The following SLC10A7 variants were observed in gnomAD, a reference collection of about 807,000 sequenced individuals.
SLC10A7 encodes the protein sodium/bile acid cotransporter 7.
A neutral mutation model predicts 43.2 loss-of-function variants in SLC10A7; 29 were observed. The observed-to-expected ratio is 0.67, with a 90% CI of 0.50 to 0.92. The LOEUF (loss-of-function observed/expected upper bound fraction) is 0.92. Ranked by LOEUF, SLC10A7 falls within the 40% of genes least tolerant of loss-of-function variation. The pLI, the probability that SLC10A7 is intolerant of heterozygous loss-of-function variation, is 0.00. For synonymous variants in SLC10A7, 152 were observed against 144.8 expected (o/e 1.05, Z -0.35); for missense variants, 295 against 403.2 (o/e 0.73, Z 2.30).
intron 10 of SLC10A7, among the ~76,000 whole-genome samples, chr4:146,282,405 A>T (rs530126879): frequency 1.3e-5 from 2 of 152,332 alleles, no homozygotes; most frequent in South Asian, 4.1e-4. Context: ...ATGATTCTTC[A>T]TTCTCTTAAG....
rs867713515 is a variant in SLC10A7, at chr4:146,339,507, A to G, written c.436-13511T>C. 7.2e-5 allele frequency among the ~76,000 whole-genome samples: 11 copies of G among 152,088 alleles called. 1 individual carries two copies. Among genetic ancestry groups the G allele is most frequent in the Non-Finnish European group, 7.4e-5 (5 of 67,924 alleles). ...TTTGTGACTCAGAGAGGCTTCAGTC[A>G]GGAGAAGGAGGTGGATTAACCAATG... is the stretch of plus-strand genomic sequence containing the variant. On this transcript the variant is annotated intron_variant, in intron 5 of 11. Transcript: ENST00000335472.
At chr4:146,515,342 T>TCTTTC (rs1737847928) in intron 2 of SLC10A7, among the ~76,000 whole-genome samples, 2 of 152,184 alleles carry the variant, frequency 1.3e-5, no homozygotes, top group African/African-American at 2.4e-5. Flanking sequence ...TCCAACATTA[T>TCTTTC]GGTAGTAGCA....
intron 5 of SLC10A7, among the ~76,000 whole-genome samples, chr4:146,357,541 G>A (rs571262836): frequency 3.3e-5 from 5 of 152,272 alleles, no homozygotes; most frequent in African/African-American, 1.2e-4. Flanking sequence ...ACTACTCATC[G>A]TCTACCTTAA....
At chr4:146,426,443 C>G (rs754964131) in intron 5 of SLC10A7, among the ~76,000 whole-genome samples, 10 of 152,098 alleles carry the variant, frequency 6.6e-5, no homozygotes, top group South Asian at 6.3e-4. Flanking sequence ...CTTTGGGAGG[C>G]CAAGGTGAAA....
chr4:146,502,286 C>A (rs1261320781), intron 4 of SLC10A7, among the ~76,000 whole-genome samples: 1 of 152,206 alleles, frequency 6.6e-6, no homozygotes, highest in African/African-American at 2.4e-5. Flanking sequence ...AACACTGGAA[C>A]TCTCATTCGC....
chr4:146,476,407 G>A (rs1285577462), intron 4 of SLC10A7, among the ~76,000 whole-genome samples: 1 of 152,134 alleles, frequency 6.6e-6, no homozygotes, highest in Non-Finnish European at 1.5e-5. Context: ...GTGGTCAGCA[G>A]TATTGACAAC....
intron 5 of SLC10A7, among the ~76,000 whole-genome samples, chr4:146,383,001 A>G (rs532255663): frequency 3.3e-5 from 5 of 152,066 alleles, no homozygotes; most frequent in African/African-American, 1.2e-4. Context: ...CTCCTCATGC[A>G]TGGCTCCCCG....
intron 5 of SLC10A7, among the ~76,000 whole-genome samples, chr4:146,386,777 T>C (rs147333523): frequency 4.3e-4 from 66 of 152,348 alleles, no homozygotes; most frequent in African/African-American, 1.5e-3. Context: ...CAGTTATATG[T>C]GCCTCTTTTT....
At chr4:146,382,160 G>A (rs995825982) in intron 5 of SLC10A7, among the ~76,000 whole-genome samples, 13 of 152,042 alleles carry the variant, frequency 8.6e-5, no homozygotes, top group Non-Finnish European at 1.2e-4. Flanking sequence ...ATCATCATAC[G>A]GAGATTATAC....
chr4:146,432,963 G>C (rs1213299287), intron 5 of SLC10A7, among the ~76,000 whole-genome samples: 1 of 150,932 alleles, frequency 6.6e-6, no homozygotes, highest in Non-Finnish European at 1.5e-5. Flanking sequence ...GCGTGAACTC[G>C]GGAGGCGGAG....
intron 5 of SLC10A7, among the ~76,000 whole-genome samples, chr4:146,425,801 T>G (rs937750685): frequency 6.6e-6 from 1 of 152,166 alleles, no homozygotes; most frequent in African/African-American, 2.4e-5. Flanking sequence ...CTGGTCCAAA[T>G]GATGGACATG....
chr4:146,273,340 A>G (rs1729007112), intron 10 of SLC10A7, among the ~76,000 whole-genome samples: 1 of 152,154 alleles, frequency 6.6e-6, no homozygotes, highest in South Asian at 2.1e-4. Flanking sequence ...CGCCACTCAT[A>G]GGTACATCTA....
chr4:146,480,176 T>C (rs755733177), intron 4 of SLC10A7, among the ~76,000 whole-genome samples: 1 of 152,128 alleles, frequency 6.6e-6, no homozygotes, highest in Non-Finnish European at 1.5e-5. Flanking sequence ...AATATAACTA[T>C]TAAGTTATAT....
At chr4:146,458,074 C>T (rs1339983597) in intron 4 of SLC10A7, among the ~76,000 whole-genome samples, 1 of 151,552 alleles carries the variant, frequency 6.6e-6, no homozygotes, top group Admixed American at 6.6e-5. Context: ...CATAAAACTC[C>T]TTATAAAATT....
intron 5 of SLC10A7, among the ~76,000 whole-genome samples, chr4:146,339,631 G>C (rs1734117505): frequency 1.3e-5 from 2 of 151,858 alleles, no homozygotes; most frequent in African/African-American, 2.4e-5. Context: ...GTATGCAGTT[G>C]CTTCCTTCCC....
chr4:146,441,988 G>A (rs1197214609), intron 5 of SLC10A7: 15 of 979,682 alleles, frequency 1.5e-5, no homozygotes, highest in African/African-American at 1.8e-5. Context: ...TCAATTATTT[G>A]TAAATCACTG....
intron 5 of SLC10A7, among the ~76,000 whole-genome samples, chr4:146,414,581 A>G (rs565878133): frequency 1.3e-5 from 2 of 152,120 alleles, no homozygotes; most frequent in Admixed American, 1.3e-4. Context: ...AAAATTAGCC[A>G]GGTGTGGTGG....
chr4:146,434,561 T>A (rs1278587468), intron 5 of SLC10A7, among the ~76,000 whole-genome samples: 1 of 152,052 alleles, frequency 6.6e-6, no homozygotes, highest in African/African-American at 2.4e-5. Flanking sequence ...TGAAGTTGTT[T>A]TTATTTTTTG....
At chr4:146,364,498 G>A (rs1736262281) in intron 5 of SLC10A7, among the ~76,000 whole-genome samples, 1 of 152,064 alleles carries the variant, frequency 6.6e-6, no homozygotes, top group Admixed American at 6.6e-5. Context: ...AGAAATGGAA[G>A]ACATTATGAT....
Sources: gnomAD v4.1 joint callset for allele counts (sites outside exome capture counted in the v4.1 genomes callset) on GRCh38, gnomAD v4.1.1 for gene constraint, MANE v1.5 for transcripts, NCBI Gene and HGNC (gene_info 2026-07-23, HGNC 2026-07-21) for gene names.